MARCHF3: variants seen among roughly 807,000 people sequenced by gnomAD.
MARCHF3 encodes the protein E3 ubiquitin-protein ligase MARCHF3.
A neutral mutation model predicts 24.2 loss-of-function variants in MARCHF3; 13 were observed. The observed-to-expected ratio is 0.54, with a 90% CI of 0.35 to 0.85. MARCHF3 has a LOEUF of 0.85. Ranked by LOEUF, MARCHF3 falls within the 40% of genes least tolerant of loss-of-function variation. MARCHF3 has a pLI of 0.01. For synonymous variants in MARCHF3, 144 were observed against 137.3 expected, an observed-to-expected ratio of 1.05 and a Z score of -0.34; for missense variants, 276 against 325.0, an observed-to-expected ratio of 0.85 and a Z score of 1.16.
chr5:127,008,721 G>T (rs746614232), intron 1 of MARCHF3, among the ~76,000 whole-genome samples: 18 of 152,010 alleles, frequency 1.2e-4, no homozygotes, highest in Non-Finnish European at 2.4e-4. Context: ...CCACCCTGAG[G>T]TGCAGGAGCT....
At chr5:126,973,644 ACT>A (rs1316662775) in intron 1 of MARCHF3, among the ~76,000 whole-genome samples, 4 of 152,156 alleles carry the variant, frequency 2.6e-5, no homozygotes, top group Non-Finnish European at 4.4e-5. Flanking sequence ...CATTGTAATG[ACT>A]CTACCTACTT....
At chr5:126,879,318 C>T (rs573782515) in intron 3 of MARCHF3, among the ~76,000 whole-genome samples, 117 of 152,218 alleles carry the variant, frequency 7.7e-4, no homozygotes, top group African/African-American at 2.8e-3. Context: ...TTCTGAGTCC[C>T]GTGAGTACTT....
chr5:126,927,900 C>T (rs527756222), intron 1 of MARCHF3, among the ~76,000 whole-genome samples: 4 of 152,236 alleles, frequency 2.6e-5, no homozygotes, highest in African/African-American at 9.6e-5. Flanking sequence ...TATATTGAGA[C>T]TGAATTAAAT....
Position 126,869,509 on chromosome 5 carries a change from G to T in MARCHF3, c.*1124C>A, listed in dbSNP as rs1752890017. 1 of 151,108 alleles carries T rather than the reference G, an allele frequency of 6.6e-6. No individual in the cohort carries two copies. Among genetic ancestry groups the T allele is most frequent in the South Asian group, 2.1e-4 (1 of 4,798 alleles). 9.4% of individuals were successfully genotyped at this position (151,108 alleles called of 1,614,324 possible). On this transcript the variant is annotated 3_prime_UTR_variant, in exon 5 of 5. Coordinates refer to ENST00000308660, the MANE Select transcript of MARCHF3 (RefSeq NM_178450.5). ...AGAATTGGCTCATGGTTGGGGGAAG[G>T]CACTGTGTGGGGCTCCTTTTTAAAG... is the stretch of plus-strand genomic sequence containing the variant.
chr5:126,888,326 G>T (rs1363471164), intron 3 of MARCHF3, among the ~76,000 whole-genome samples: 1 of 152,100 alleles, frequency 6.6e-6, no homozygotes, highest in Non-Finnish European at 1.5e-5. Flanking sequence ...GCCAATTAAC[G>T]GGCTATAATG....
At chr5:126,901,814 T>C (rs1219249889) in intron 3 of MARCHF3, among the ~76,000 whole-genome samples, 2 of 152,060 alleles carry the variant, frequency 1.3e-5, no homozygotes, top group East Asian at 1.9e-4. Flanking sequence ...TGAGAGTTAA[T>C]TGTGCCTTGT....
At chr5:127,000,525 A>G (rs1394685003) in intron 1 of MARCHF3, among the ~76,000 whole-genome samples, 3 of 152,172 alleles carry the variant, frequency 2.0e-5, no homozygotes, top group African/African-American at 7.2e-5. Flanking sequence ...GGAGAACCAG[A>G]TGCTGCTGAA....
At position 126,900,858 on chromosome 5, in the gene MARCHF3, C is replaced by T. The variant is rs370700269; in HGVS notation, c.393+14072G>A. On this transcript the variant is annotated intron_variant, in intron 3 of 4. Transcript: ENST00000308660. ...CTGGGATTACAGGAGCCTGCCACCA[C>T]GCCCAGCTAATTTTTGTGTTTTCAG... Among the ~76,000 whole-genome samples the T allele has an allele frequency of 2.0e-4, 31 of 152,030 alleles. 1 individual carries two copies. The South Asian group carries it at 3.9e-3, about 19-fold the overall frequency.
chr5:127,009,926 C>T (rs754977769), intron 1 of MARCHF3, among the ~76,000 whole-genome samples: 3 of 152,258 alleles, frequency 2.0e-5, no homozygotes, highest in South Asian at 2.1e-4. Flanking sequence ...TCCCTGCCTA[C>T]AAGAAGGAAT....
At chr5:126,941,985 T>G (rs1313899820) in intron 1 of MARCHF3, among the ~76,000 whole-genome samples, 2 of 152,208 alleles carry the variant, frequency 1.3e-5, no homozygotes, top group Non-Finnish European at 2.9e-5. Context: ...GTTGCAATCT[T>G]CCTGCTCAGT....
chr5:126,917,386 C>T (rs989190205), intron 2 of MARCHF3, among the ~76,000 whole-genome samples: 2 of 152,272 alleles, frequency 1.3e-5, no homozygotes, highest in Non-Finnish European at 2.9e-5. Context: ...CTTGGGAAGG[C>T]TCAGGAGGTT....
At chr5:126,955,451 G>C (rs1758550019) in intron 1 of MARCHF3, among the ~76,000 whole-genome samples, 1 of 152,138 alleles carries the variant, frequency 6.6e-6, no homozygotes, top group African/African-American at 2.4e-5. Flanking sequence ...TACATGCCCA[G>C]TTTCGTTCAT....
chr5:126,927,623 T>A (rs1486142014), intron 1 of MARCHF3, among the ~76,000 whole-genome samples: 1 of 152,196 alleles, frequency 6.6e-6, no homozygotes, highest in Non-Finnish European at 1.5e-5. Context: ...TGGCTCCATC[T>A]GGACTTTTTC....
At chr5:126,978,999 T>C (rs1208027989) in intron 1 of MARCHF3, among the ~76,000 whole-genome samples, 1 of 152,188 alleles carries the variant, frequency 6.6e-6, no homozygotes, top group Non-Finnish European at 1.5e-5. Flanking sequence ...CTAAGAAAAA[T>C]CCTATTATTG....
At chr5:127,006,200 CAAA>C (rs58415135) in intron 1 of MARCHF3, among the ~76,000 whole-genome samples, 10 of 71,904 alleles carry the variant, frequency 1.4e-4, no homozygotes, top group Admixed American at 3.2e-4. Flanking sequence ...GAGGCTCTGT[CAAA>C]AAAAAAAAAA....
intron 3 of MARCHF3, among the ~76,000 whole-genome samples, chr5:126,910,859 T>A (rs1263934540): frequency 2.6e-5 from 4 of 152,172 alleles, no homozygotes; most frequent in Non-Finnish European, 5.9e-5. Context: ...GAGCCATATT[T>A]CTCTTCTTTC....
chr5:126,983,606 G>A (rs746775379), intron 1 of MARCHF3, among the ~76,000 whole-genome samples: 40 of 152,128 alleles, frequency 2.6e-4, no homozygotes, highest in African/African-American at 8.2e-4. Context: ...CAATTTACTC[G>A]GGGCCTCAAA....
At chr5:126,997,223 A>G (rs1336978388) in intron 1 of MARCHF3, among the ~76,000 whole-genome samples, 1 of 152,208 alleles carries the variant, frequency 6.6e-6, no homozygotes, top group African/African-American at 2.4e-5. Context: ...TTACTGTCCA[A>G]TCCTTAAGCA....
intron 3 of MARCHF3, among the ~76,000 whole-genome samples, chr5:126,891,202 G>A (rs1580606415): frequency 6.6e-6 from 1 of 151,728 alleles, no homozygotes; most frequent in Non-Finnish European, 1.5e-5. Flanking sequence ...TTTGTCAGAT[G>A]AGTAGGTTGG....
Sources: gnomAD v4.1 joint callset for allele counts (sites outside exome capture counted in the v4.1 genomes callset) on GRCh38, gnomAD v4.1.1 for gene constraint, MANE v1.5 for transcripts, NCBI Gene and HGNC (gene_info 2026-07-23, HGNC 2026-07-21) for gene names.